Variants in PCSK2 observed in about 807,000 individuals in gnomAD.
PCSK2 encodes neuroendocrine convertase 2.
Under a neutral mutation model 69.7 loss-of-function variants are expected in PCSK2, and 14 were observed. The observed-to-expected ratio is 0.20, with a 90% confidence interval of 0.13 to 0.31. PCSK2 has a LOEUF of 0.31. Ranked by LOEUF, PCSK2 falls within the 10% of genes least tolerant of loss-of-function variation. PCSK2 has a pLI of 1.00. For missense variants in PCSK2, 544 were observed against 842.5 expected (o/e 0.65, Z 4.39); for synonymous variants, 307 against 320.7 (o/e 0.96, Z 0.46).
At chr20:17,296,847 A>G (rs1988911519) in intron 2 of PCSK2, among the ~76,000 whole-genome samples, 1 of 152,242 alleles carries the variant, frequency 6.6e-6, no homozygotes, top group Admixed American at 6.5e-5. Flanking sequence ...AGCTCTTCAC[A>G]GTAAGATAAT....
chr20:17,243,739 G>A (rs1986671204), intron 1 of PCSK2, among the ~76,000 whole-genome samples: 1 of 152,160 alleles, frequency 6.6e-6, no homozygotes. Flanking sequence ...ACCACAACGT[G>A]TGTAATGCCC....
chr20:17,245,537 ACTT>A (rs906330021), intron 1 of PCSK2, among the ~76,000 whole-genome samples: 2 of 152,202 alleles, frequency 1.3e-5, no homozygotes, highest in Non-Finnish European at 2.9e-5. Context: ...GGAGTAGTTA[ACTT>A]CTTCTCTTGT....
Position 17,453,781 on chromosome 20 carries a change from G to A in PCSK2, c.925G>A (p.Gly309Arg). 1 of 1,613,982 alleles carries A rather than the reference G, an allele frequency of 6.2e-7. No individual in the cohort carries two copies. Among genetic ancestry groups the A allele is most frequent in the Non-Finnish European group, 8.5e-7 (1 of 1,179,960 alleles). The change falls in exon 9 of 12, where the codon GGG becomes AGG. Residue 309 changes from glycine to arginine, a missense_variant. Gly to Arg is a moderately radical substitution (Grantham distance 125). This residue lies in a region of PCSK2 where 187 missense variants were observed against 399.8 expected (regional missense o/e 0.47). Transcript: ENST00000262545. The surrounding 1 kb of genome is among the most constrained non-coding windows in gnomAD (Gnocchi z 4.0). ...GKGSIYVWAS[G>R]DGGSYDDCNC... ...AGGCAGCATCTACGTGTGGGCCTCC[G>A]GGGACGGCGGCAGCTATGACGACTG...
At chr20:17,422,248 G>A (rs1364432088) in intron 6 of PCSK2, among the ~76,000 whole-genome samples, 1 of 152,160 alleles carries the variant, frequency 6.6e-6, no homozygotes, top group Non-Finnish European at 1.5e-5. Context: ...TATTCTTCAT[G>A]GTGAAGCTTT....
At chr20:17,278,928 T>C (rs1988200491) in intron 2 of PCSK2, among the ~76,000 whole-genome samples, 1 of 152,002 alleles carries the variant, frequency 6.6e-6, no homozygotes, top group South Asian at 2.1e-4. Context: ...GTTTCCTAAA[T>C]TTTTTCAGTA....
At chr20:17,447,613 T>C (rs2032726494) in intron 8 of PCSK2, among the ~76,000 whole-genome samples, 1 of 152,184 alleles carries the variant, frequency 6.6e-6, no homozygotes, top group Non-Finnish European at 1.5e-5. Context: ...ATTCATTTTT[T>C]TTCACCCAGA....
intron 1 of PCSK2, among the ~76,000 whole-genome samples, chr20:17,241,584 A>G (rs1215896203): frequency 6.6e-6 from 1 of 152,218 alleles, no homozygotes; most frequent in East Asian, 1.9e-4. Flanking sequence ...AGATGATGCC[A>G]CTAGGAAGTC....
intron 6 of PCSK2, among the ~76,000 whole-genome samples, chr20:17,424,336 T>C (rs1455887821): frequency 6.6e-6 from 1 of 152,204 alleles, no homozygotes; most frequent in Non-Finnish European, 1.5e-5. Context: ...GTGACATGTA[T>C]GCTTATGCAT....
intron 2 of PCSK2, among the ~76,000 whole-genome samples, chr20:17,337,837 G>A (rs1822683938): frequency 6.6e-6 from 1 of 151,056 alleles, no homozygotes; most frequent in Non-Finnish European, 1.5e-5. Context: ...GCTGAGGCAG[G>A]AGAATTTCTT....
intron 2 of PCSK2, among the ~76,000 whole-genome samples, chr20:17,283,448 A>G (rs1374579850): frequency 6.6e-6 from 1 of 152,192 alleles, no homozygotes; most frequent in African/African-American, 2.4e-5. Flanking sequence ...CCCATAATGA[A>G]GGTTACACAC....
intron 2 of PCSK2, among the ~76,000 whole-genome samples, chr20:17,357,022 G>C (rs898298523): frequency 6.6e-6 from 1 of 152,198 alleles, no homozygotes; most frequent in Admixed American, 6.5e-5. Flanking sequence ...GAAAAAAAAT[G>C]TTGGGCTACA....
intron 7 of PCSK2, among the ~76,000 whole-genome samples, chr20:17,433,785 T>TTCTCTCTCTCTCTCTCTC (rs369676259): frequency 1.2e-4 from 5 of 40,842 alleles, no homozygotes; most frequent in African/African-American, 2.6e-4. Context: ...CTCCTTTGAT[T>TTCTCTCTCTCTCTCTCTC]TCTCTCTCTC....
At chr20:17,261,675 A>G (rs1320885325) in intron 2 of PCSK2, among the ~76,000 whole-genome samples, 1 of 152,116 alleles carries the variant, frequency 6.6e-6, no homozygotes, top group African/African-American at 2.4e-5. Context: ...GGCTATACCA[A>G]TTCATTACCT....
intron 10 of PCSK2, 107 bp downstream of exon 10, chr20:17,456,555 C>A: frequency 1.5e-6 from 1 of 688,818 alleles, no homozygotes; most frequent in Non-Finnish European, 2.6e-6. Flanking sequence ...ATGTGAGAGG[C>A]CATGAATAGT....
chr20:17,310,156 A>G (rs1989459388), intron 2 of PCSK2, among the ~76,000 whole-genome samples: 1 of 152,188 alleles, frequency 6.6e-6, no homozygotes, highest in South Asian at 2.1e-4. Flanking sequence ...ACTCGCTATC[A>G]TGACAATGGC....
At chr20:17,342,939 A>G (rs1990549387) in intron 2 of PCSK2, among the ~76,000 whole-genome samples, 3 of 152,282 alleles carry the variant, frequency 2.0e-5, no homozygotes, top group Admixed American at 2.0e-4. Flanking sequence ...TACAGGCATA[A>G]GCCATGCACC....
chr20:17,443,509 C>T (rs1245668104), intron 8 of PCSK2, among the ~76,000 whole-genome samples: 1 of 152,114 alleles, frequency 6.6e-6, no homozygotes, highest in African/African-American at 2.4e-5. Context: ...ACAGCAGGTG[C>T]CCAGGGGAAC....
At chr20:17,276,928 A>G (rs11698227) in intron 2 of PCSK2, among the ~76,000 whole-genome samples, 48,316 of 151,986 alleles carry the variant, frequency 0.32, 7,927 homozygotes, top group South Asian at 0.48. Flanking sequence ...CCAACAACAG[A>G]CAAACAGAGA....
intron 5 of PCSK2, among the ~76,000 whole-genome samples, chr20:17,393,118 G>A (rs369710006): frequency 3.9e-5 from 6 of 152,090 alleles, no homozygotes; most frequent in East Asian, 1.9e-4. Flanking sequence ...TTGTGTAGCC[G>A]TTCATCCCAG....
Sources: gnomAD v4.1 joint callset for allele counts (sites outside exome capture counted in the v4.1 genomes callset) on GRCh38, gnomAD v4.1.1 for gene constraint, gnomAD v4.1.1 regional missense constraint, Gnocchi (gnomAD v3.1) non-coding constraint, MANE v1.5 for transcripts, NCBI Gene and HGNC (gene_info 2026-07-23, HGNC 2026-07-21) for gene names.